Variants in ENOX2 observed in about 807,000 individuals in gnomAD.
ENOX2 encodes ecto-NOX disulfide-thiol exchanger 2.
In ENOX2, 36 loss-of-function variants were observed where a neutral mutation model predicts 45.0. The observed-to-expected ratio is 0.80, with a 90% CI of 0.61 to 1.06. The LOEUF (loss-of-function observed/expected upper bound fraction) is 1.06, where lower values mean the gene tolerates loss of function less well. Ranked by LOEUF, ENOX2 falls within the 50% of genes least tolerant of loss-of-function variation. The pLI, the probability that ENOX2 is intolerant of heterozygous loss-of-function variation, is 0.00. For missense variants in ENOX2, 423 were observed against 462.5 expected, an observed-to-expected ratio of 0.91 and a Z score of 0.78; for synonymous variants, 174 against 152.3, an observed-to-expected ratio of 1.14 and a Z score of -1.05.
intron 3 of ENOX2, among the ~76,000 whole-genome samples, chrX:130,727,439 A>G (rs1273411970): frequency 8.9e-6 from 1 of 112,201 alleles, no homozygotes; most frequent in African/African-American, 3.2e-5. Context: ...ACAGTTGAAG[A>G]GATGAAGGTT....
intron 3 of ENOX2, among the ~76,000 whole-genome samples, chrX:130,776,579 G>A (rs1029449545): frequency 9.0e-6 from 1 of 111,409 alleles, no homozygotes; most frequent in Non-Finnish European, 1.9e-5. Context: ...CTCCCCAGAA[G>A]CTGAGCAGAT....
At chrX:130,841,612 C>G (rs974451326) in intron 2 of ENOX2, among the ~76,000 whole-genome samples, 1 of 112,016 alleles carries the variant, frequency 8.9e-6, no homozygotes, top group Non-Finnish European at 1.9e-5. Context: ...AGCCACTACA[C>G]AGCAGATGGT....
intron 3 of ENOX2, among the ~76,000 whole-genome samples, chrX:130,763,545 G>A (rs1004202534): frequency 8.2e-5 from 9 of 110,329 alleles, no homozygotes; most frequent in African/African-American, 3.0e-4. Flanking sequence ...ATAGGAGTGG[G>A]TTGGATCATT....
chrX:130,689,382 C>T (rs777338654), intron 4 of ENOX2, among the ~76,000 whole-genome samples: 1 of 111,449 alleles, frequency 9.0e-6, no homozygotes, highest in Non-Finnish European at 1.9e-5. Context: ...TTTCTTTGTA[C>T]GGTACAGCAT....
chrX:130,761,665 A>G (rs2039493888), intron 3 of ENOX2, among the ~76,000 whole-genome samples: 1 of 111,427 alleles, frequency 9.0e-6, no homozygotes, highest in African/African-American at 3.3e-5. Flanking sequence ...AATGGGGGAC[A>G]GGCATGTCAC....
At chrX:130,721,915 A>C (rs1362378064) in intron 3 of ENOX2, among the ~76,000 whole-genome samples, 1 of 112,260 alleles carries the variant, frequency 8.9e-6, no homozygotes, top group Non-Finnish European at 1.9e-5. Context: ...CTATCATGCT[A>C]TAAGAAGTCT....
chrX:130,722,825 G>A (rs1022071915), intron 3 of ENOX2, among the ~76,000 whole-genome samples: 3 of 112,340 alleles, frequency 2.7e-5, no homozygotes, highest in East Asian at 2.8e-4. Context: ...GTGGGGAAAG[G>A]AAAGGCAGAT....
chrX:130,667,289 A>G (rs1167214476), intron 8 of ENOX2, among the ~76,000 whole-genome samples: 1 of 111,911 alleles, frequency 8.9e-6, no homozygotes, highest in African/African-American at 3.2e-5. Context: ...TGGCCTAAGG[A>G]TCAGTGTTTC....
chrX:130,733,915 G>A (rs1241449056), intron 3 of ENOX2, among the ~76,000 whole-genome samples: 2 of 111,703 alleles, frequency 1.8e-5, no homozygotes, highest in East Asian at 5.6e-4. Context: ...GGACCTCTCC[G>A]AATTATTTCT....
intron 2 of ENOX2, among the ~76,000 whole-genome samples, chrX:130,816,954 C>CA (rs1245034490): frequency 6.3e-5 from 7 of 111,645 alleles, no homozygotes; most frequent in Admixed American, 3.8e-4. Flanking sequence ...AAAAACCCTT[C>CA]AAAAAGAAAA....
intron 12 of ENOX2, among the ~76,000 whole-genome samples, chrX:130,633,306 A>C (rs1024111264): frequency 1.8e-5 from 2 of 112,276 alleles, no homozygotes; most frequent in Admixed American, 1.9e-4. Flanking sequence ...TCAACCTGAA[A>C]TTATTTTTGC....
chrX:130,895,280 T>C lies in ENOX2; in HGVS notation c.-183+6404A>G, dbSNP rs551453118. Among the ~76,000 whole-genome samples, 45 of 111,865 alleles carry C rather than the reference T, an allele frequency of 4.0e-4. 1 individual carries two copies. In the South Asian group the frequency reaches 0.015, roughly 37 times the overall value. On this transcript the variant is annotated intron_variant, in intron 2 of 14. Transcript: ENST00000394363. Reference sequence around the variant, plus strand: ...TTGAAAGGTGAAAATTAGAATGGTATGTGACCAGAGTAATCCTAGTGAAGT... The same window carrying C: ...TTGAAAGGTGAAAATTAGAATGGTACGTGACCAGAGTAATCCTAGTGAAGT...
chrX:130,638,296 G>A (rs903906584), intron 10 of ENOX2, among the ~76,000 whole-genome samples: 1 of 109,948 alleles, frequency 9.1e-6, no homozygotes, highest in Non-Finnish European at 1.9e-5. Flanking sequence ...TCGAACTCCT[G>A]ACCTTGTGAT....
At position 130,634,890 on chromosome X, in the gene ENOX2, A is replaced by C. The variant is rs899416634; in HGVS notation, c.1419+94T>G. 8.3e-6 allele frequency: 4 copies of C among 481,084 alleles called. No homozygotes were observed. The East Asian group carries it at 1.5e-4, about 19-fold the overall frequency. 39.6% of individuals were successfully genotyped at this position (481,084 alleles called of 1,213,427 possible). On this transcript the variant is annotated intron_variant, in intron 12 of 14. Transcript: ENST00000394363. The stretch of plus-strand genomic sequence containing the variant: ...CAATCGGCCAAAAATGTTTGGCCCC[A>C]TTGATTTCTAGGGCATAACTTCCAG...
intron 2 of ENOX2, among the ~76,000 whole-genome samples, chrX:130,881,632 T>C (rs751094238): frequency 5.3e-5 from 6 of 112,231 alleles, no homozygotes; most frequent in African/African-American, 1.9e-4. Flanking sequence ...ATTTCTTTTC[T>C]TGAATGGTAT....
At chrX:130,661,043 A>C (rs1427398552) in intron 9 of ENOX2, among the ~76,000 whole-genome samples, 6 of 112,253 alleles carry the variant, frequency 5.3e-5, no homozygotes, top group Admixed American at 3.8e-4. Context: ...GCAAATCATA[A>C]ATTGTTACAC....
chrX:130,756,932 A>G (rs2039368319), intron 3 of ENOX2, among the ~76,000 whole-genome samples: 1 of 112,591 alleles, frequency 8.9e-6, no homozygotes, highest in African/African-American at 3.2e-5. Flanking sequence ...AGCACAAAGC[A>G]TATTCATTCA....
At chrX:130,850,966 G>A (rs189520965) in intron 2 of ENOX2, among the ~76,000 whole-genome samples, 5 of 112,380 alleles carry the variant, frequency 4.4e-5, no homozygotes, top group Non-Finnish European at 7.5e-5. Flanking sequence ...AAGAACAACT[G>A]CACCAATGGC....
At chrX:130,723,206 G>A (rs759485001) in intron 3 of ENOX2, among the ~76,000 whole-genome samples, 3 of 112,307 alleles carry the variant, frequency 2.7e-5, no homozygotes, top group East Asian at 5.6e-4. Context: ...CATTTTACTC[G>A]AAGTGGCTAA....
Sources: allele counts gnomAD v4.1 joint callset (sites outside exome capture counted in the v4.1 genomes callset), GRCh38; gene constraint gnomAD v4.1.1; transcripts MANE v1.5; gene names NCBI Gene and HGNC (gene_info 2026-07-23, HGNC 2026-07-21).